Variants in TICRR observed in about 807,000 individuals in gnomAD.
TICRR encodes TOPBP1 interacting checkpoint and replication regulator, also known as treslin.
A neutral mutation model predicts 178.1 loss-of-function variants in TICRR; 132 were observed. The ratio of observed to expected loss-of-function variants is 0.74; its 90% CI spans 0.64 to 0.86. The LOEUF (loss-of-function observed/expected upper bound fraction) is 0.86. Ranked by LOEUF, TICRR falls within the 40% of genes least tolerant of loss-of-function variation. The pLI, the probability that TICRR is intolerant of heterozygous loss-of-function variation, is 0.00. For missense variants in TICRR, 2,587 were observed against 2,334.3 expected (o/e 1.11, Z -2.23); for synonymous variants, 991 against 900.7 (o/e 1.10, Z -1.79).
Position 89,608,876 on chromosome 15 carries a change from G to T in TICRR, c.2796G>T (p.Gly932=), listed in dbSNP as rs776538512. The change falls in exon 15 of 22, where the codon GGG becomes GGT. Residue 932 remains glycine, a synonymous_variant. Transcript: ENST00000268138. ...LSPSKRSLKR[G]LPRSHSVSAV... is the part of the protein sequence containing the mutation. ...CTTCAAAGAGATCACTAAAGCGGGG[G>T]TTGCCTAGAAGCCATTCTGTGTCAG... 13 of 1,611,300 alleles carry T rather than the reference G, an allele frequency of 8.1e-6. No homozygotes were observed. The highest frequency in any genetic ancestry group is 1.0e-5 in the Non-Finnish European group (12 of 1,179,054).
chr15:89,597,926 G>T (rs181582963), intron 7 of TICRR, among the ~76,000 whole-genome samples: 11 of 152,064 alleles, frequency 7.2e-5, no homozygotes, highest in African/African-American at 2.7e-4. Context: ...GTAGTTTTCC[G>T]CATATAGATC....
At chr15:89,604,638 G>A (rs1417337510) in intron 13 of TICRR, among the ~76,000 whole-genome samples, 1 of 152,062 alleles carries the variant, frequency 6.6e-6, no homozygotes, top group Non-Finnish European at 1.5e-5. Flanking sequence ...AGGTATGGTG[G>A]TGCACTCCTG....
intron 15 of TICRR, among the ~76,000 whole-genome samples, chr15:89,610,754 A>G (rs1358977060): frequency 3.3e-5 from 5 of 151,266 alleles, no homozygotes; most frequent in Admixed American, 6.6e-5. Context: ...TTTGTTTCTC[A>G]ATTCCTGTTT....
chr15:89,611,845 CATTTTGTTCATATATT>C (rs1021703946), intron 15 of TICRR, among the ~76,000 whole-genome samples: 2 of 152,054 alleles, frequency 1.3e-5, no homozygotes, highest in African/African-American at 4.8e-5. Flanking sequence ...TTGATATTCT[CATTTTGTTCATATATT>C]ATTTTCCTGA....
rs28609026 is a variant in TICRR at position 89,594,434 on chromosome 15, G to A, written c.1561G>A (p.Ala521Thr). Residue 521 changes from alanine (A) to threonine (T), a missense_variant, in exon 6 of 22, where the codon GCT becomes ACT. Physicochemically the swap from Ala to Thr is moderately conservative, Grantham distance 58. Coordinates refer to ENST00000268138, the MANE Select transcript of TICRR (RefSeq NM_152259.4). Reference protein sequence around the residue: ...ESFGLLQAASANKEESSKTEG... With the variant: ...ESFGLLQAASTNKEESSKTEG... ...TCACAGGTTACTACAGGCTGCCTCA[G>A]CTAATAAGGAAGAGTCTTCCAAAAC... 3 of 1,612,044 alleles carry A rather than the reference G, an allele frequency of 1.9e-6. No homozygotes were observed. Among genetic ancestry groups the A allele is most frequent in the Admixed American group, 1.7e-5 (1 of 59,572 alleles).
Position 89,575,809 on chromosome 15 carries a change from G to T in TICRR, c.223G>T (p.Asp75Tyr), listed in dbSNP as rs1285263442. 6.2e-7 allele frequency: 1 copy of T among 1,603,276 alleles called. No individual in the cohort carries two copies. The highest frequency in any genetic ancestry group is 2.2e-5 in the East Asian group (1 of 44,472). Residue 75 changes from aspartate (D) to tyrosine (Y), a missense_variant, in exon 1 of 22, where the codon GAC becomes TAC. By Grantham distance (160) the Asp-to-Tyr change is radical. Transcript: ENST00000268138. ...FRELGSRSWEDFEEELEARLE... is the reference protein window; with the variant it reads ...FRELGSRSWEYFEEELEARLE... Reference sequence around the variant, plus strand: ...CGAGCTGGGGTCCCGCTCGTGGGAGGACTTTGAGGAGGAGCTGGAGGCCAG... The same window carrying T: ...CGAGCTGGGGTCCCGCTCGTGGGAGTACTTTGAGGAGGAGCTGGAGGCCAG...
intron 7 of TICRR, among the ~76,000 whole-genome samples, chr15:89,596,161 C>T (rs936352352): frequency 2.6e-5 from 4 of 152,120 alleles, no homozygotes; most frequent in African/African-American, 4.8e-5. Flanking sequence ...CCAATAATTC[C>T]GTGAGAAAGA....
Position 89,595,483 on chromosome 15 carries a change from C to T in TICRR, c.1772C>T (p.Ala591Val). The change falls in exon 7 of 22, where the codon GCC (alanine) becomes GTC (valine). Residue 591 changes from alanine to valine, a missense_variant. Coordinates refer to ENST00000268138, the MANE Select transcript of TICRR (RefSeq NM_152259.4). ...AATGTCGCAAGGCTGAATGTGAAGG[C>T]CCAGAAGTTACATCCAGATGGCAGT... ...MLNVARLNVK[A>V]QKLHPDGSPD... 1.2e-6 allele frequency: 2 copies of T among 1,614,012 alleles called. No individual in the cohort carries two copies.
At position 89,600,649 on chromosome 15, in the gene TICRR, T is replaced by TAGGAAAAAAACTGGATA; in HGVS notation, c.2123_2139dup (p.Asp714LysfsTer29). 1.9e-6 allele frequency: 3 copies of TAGGAAAAAAACTGGATA among 1,595,256 alleles called. No homozygotes were observed. Among genetic ancestry groups the TAGGAAAAAAACTGGATA allele is most frequent in the Non-Finnish European group, 2.6e-6 (3 of 1,170,192 alleles). ...ACTAGTAAAAGTCTTCGACAGAATC[T>TAGGAAAAAAACTGGATA]AGGAAAAAAACTGGATAAGGAAGAC... On this transcript the variant is annotated frameshift_variant, in exon 9 of 22. Transcript: ENST00000268138. LOFTEE classifies it high-confidence loss of function.
rs779155890 is a variant in TICRR, at chr15:89,595,452, A to T, written c.1741A>T (p.Met581Leu). 7 of 1,614,140 alleles carry T rather than the reference A, an allele frequency of 4.3e-6. No individual in the cohort carries two copies. The highest frequency in any genetic ancestry group is 5.9e-6 in the Non-Finnish European group (7 of 1,180,034). ...GAATACCATGTGCCGTTCCTTAAAG[A>T]TGTTGAATGTCGCAAGGCTGAATGT... is the stretch of plus-strand genomic sequence containing the variant. ...KMNTMCRSLK[M>L]LNVARLNVKA... The change falls in exon 7 of 22, where the codon ATG (methionine) becomes TTG (leucine). Residue 581 changes from methionine to leucine, a missense_variant. Met to Leu is a conservative substitution (Grantham distance 15). Coordinates refer to ENST00000268138, the MANE Select transcript of TICRR (RefSeq NM_152259.4).
At chr15:89,585,524 GA>G (rs1962805386) in intron 3 of TICRR, among the ~76,000 whole-genome samples, 183 bp from the exon 4 acceptor site, 1 of 151,828 alleles carries the variant, frequency 6.6e-6, no homozygotes, top group African/African-American at 2.4e-5. Flanking sequence ...TTTGTAAGTA[GA>G]AATATGAGGA....
At chr15:89,584,964 C>G (rs1352925155) in intron 3 of TICRR, among the ~76,000 whole-genome samples, 1 of 152,174 alleles carries the variant, frequency 6.6e-6, no homozygotes, top group Non-Finnish European at 1.5e-5. Context: ...TGTAACTCAG[C>G]AGTTGGACAG....
At position 89,585,857 on chromosome 15, in the gene TICRR, C is replaced by G. The variant is rs764372307; in HGVS notation, c.1326C>G (p.Pro442=). The G allele has an allele frequency of 1.2e-6, 2 of 1,614,078 alleles. No individual in the cohort carries two copies. The highest frequency in any genetic ancestry group is 1.1e-5 in the South Asian group (1 of 91,060). Residue 442 remains proline, a synonymous_variant, in exon 4 of 22, where the codon CCC becomes CCG. Coordinates refer to ENST00000268138, the MANE Select transcript of TICRR (RefSeq NM_152259.4). ...TCCAAACAGCTGTGGCTGACAGCCC[C>G]CGGGACACAGCTTCCCTTTTCTCAG... The part of the protein sequence containing the change: ...HVLQTAVADS[P]RDTASLFSDV...
rs781218913 is a variant in TICRR, at chr15:89,582,854, T to C, written c.823T>C (p.Trp275Arg). 2.5e-6 allele frequency: 4 copies of C among 1,614,100 alleles called. No individual in the cohort carries two copies. The East Asian group carries it at 6.7e-5, about 27-fold the overall frequency. Residue 275 changes from tryptophan (W) to arginine (R), a missense_variant, in exon 2 of 22, where the codon TGG (tryptophan) becomes CGG (arginine). Physicochemically the swap from Trp to Arg is moderately radical, Grantham distance 101 (BLOSUM62 -3). Transcript: ENST00000268138. ...GTCAAGTGAACCTCATCTTTCTCCGTGGATTTCAATGCTGCCAACTGATGC... is the reference window on the plus strand; with the variant it reads ...GTCAAGTGAACCTCATCTTTCTCCGCGGATTTCAATGCTGCCAACTGATGC... ...KLSSEPHLSP[W>R]ISMLPTDATL...
At chr15:89,613,883 G>A (rs918278501) in intron 15 of TICRR, among the ~76,000 whole-genome samples, 4 of 151,898 alleles carry the variant, frequency 2.6e-5, no homozygotes, top group African/African-American at 9.7e-5. Flanking sequence ...AGCCGGGCGC[G>A]GTGGCTCACG....
intron 6 of TICRR, 91 bp downstream of exon 6, chr15:89,594,645 G>A: frequency 8.3e-7 from 1 of 1,205,346 alleles, no homozygotes; most frequent in Non-Finnish European, 1.1e-6. Flanking sequence ...AGGTTGAAAT[G>A]GTAACTAAAT....
intron 1 of TICRR, among the ~76,000 whole-genome samples, chr15:89,578,001 T>C (rs1962656182): frequency 6.6e-6 from 1 of 151,966 alleles, no homozygotes; most frequent in Admixed American, 6.6e-5. Context: ...GACAAGCAGG[T>C]GTAAGGATTT....
At position 89,616,405 on chromosome 15, in the gene TICRR, G is replaced by T. The variant is rs1326906130; in HGVS notation, c.2870G>T (p.Gly957Val). The T allele has an allele frequency of 6.2e-7, 1 of 1,613,542 alleles. No homozygotes were observed. Among genetic ancestry groups the T allele is most frequent in the Non-Finnish European group, 8.5e-7 (1 of 1,179,530 alleles). Residue 957 changes from glycine (G) to valine (V), a missense_variant and splice_region_variant, in exon 16 of 22, where the codon GGT (glycine) becomes GTT (valine). By Grantham distance (109) the Gly-to-Val change is moderately radical. Coordinates refer to ENST00000268138, the MANE Select transcript of TICRR (RefSeq NM_152259.4). Reference protein sequence around the residue: ...DKLDNFKKNKGYHKLLTKSVA... With the variant: ...DKLDNFKKNKVYHKLLTKSVA... ...GATTTAAGCTGTGTTTACATTTTAG[G>T]TTATCACAAACTGCTGACTAAGAGT...
At chr15:89,608,978 A>T (rs2141970808) in intron 15 of TICRR, 29 bp downstream of exon 15, 2 of 1,561,068 alleles carry the variant, frequency 1.3e-6, no homozygotes, top group East Asian at 4.8e-5. Flanking sequence ...GCTAGGAAAA[A>T]GGAAAGGGAG....
Sources: gnomAD v4.1 joint callset for allele counts (sites outside exome capture counted in the v4.1 genomes callset) on GRCh38, gnomAD v4.1.1 for gene constraint, MANE v1.5 for transcripts, NCBI Gene and HGNC (gene_info 2026-07-23, HGNC 2026-07-21) for gene names.